Variants in PDE4D observed in about 807,000 individuals in gnomAD.
PDE4D encodes the protein 3',5'-cyclic-AMP phosphodiesterase 4D.
A neutral mutation model predicts 87.4 loss-of-function variants in PDE4D; 24 were observed. The observed-to-expected ratio is 0.27, with a 90% CI of 0.20 to 0.39. The LOEUF (loss-of-function observed/expected upper bound fraction) is 0.39. PDE4D is among the 10% of genes least tolerant of loss of function. The pLI is 1.00. For missense variants in PDE4D, 714 were observed against 1,041.0 expected (o/e 0.69, Z 4.32); for synonymous variants, 384 against 383.2 (o/e 1.00, Z -0.02).
intron 1 of PDE4D, among the ~76,000 whole-genome samples, chr5:59,781,784 CAAAAAAAAAA>C (rs58613622): frequency 1.0e-4 from 4 of 39,898 alleles, no homozygotes; most frequent in South Asian, 1.6e-3. Flanking sequence ...CACTCCATCT[CAAAAAAAAAA>C]AAAAAAAAAA....
chr5:59,342,242 A>G (rs1196606605), intron 1 of PDE4D, among the ~76,000 whole-genome samples: 1 of 152,216 alleles, frequency 6.6e-6, no homozygotes, highest in Non-Finnish European at 1.5e-5. Context: ...AGATAGTTTT[A>G]TACTTAGCAT....
intron 2 of PDE4D, chr5:60,147,723 G>C (rs1781132943): frequency 2.2e-6 from 1 of 453,616 alleles, no homozygotes; most frequent in Non-Finnish European, 4.4e-6. Flanking sequence ...ACTGGAGCTA[G>C]AGAAGCACTT....
At chr5:59,002,034 A>G in intron 6 of PDE4D, 1 of 516,680 alleles carries the variant, frequency 1.9e-6, no homozygotes, top group Non-Finnish European at 3.9e-6. Flanking sequence ...TCTTTTATCC[A>G]GAGCTGTTTC....
intron 1 of PDE4D, among the ~76,000 whole-genome samples, chr5:60,375,820 C>T (rs1761385887): frequency 6.6e-6 from 1 of 152,186 alleles, no homozygotes; most frequent in East Asian, 1.9e-4. Context: ...GTGGGCAGAT[C>T]ATGAGGTCAA....
rs1382519967 is a variant in PDE4D at position 58,993,315 on chromosome 5, AAAAC to A, written c.1015+53_1015+56del. ...GAGTTGGCACCCCAATCCTCCTACA[AAAAC>A]AAACAAGCAAACAACTGAAGAAAAA... On this transcript the variant is annotated intron_variant, in intron 7 of 14. Transcript: ENST00000340635. The A allele has an allele frequency of 7.6e-6, 8 of 1,046,218 alleles. No homozygotes were observed. In the Middle Eastern group the frequency reaches 6.3e-4, roughly 82 times the overall value. 64.8% of individuals were successfully genotyped at this position (1,046,218 alleles called of 1,614,324 possible).
intron 1 of PDE4D, among the ~76,000 whole-genome samples, chr5:59,833,468 G>A (rs183265194): frequency 1.1e-3 from 168 of 151,704 alleles, no homozygotes; most frequent in Non-Finnish European, 1.8e-3. Context: ...AGGGGAACAG[G>A]TGATGTCAGT....
chr5:60,356,147 G>A (rs1167663770), intron 1 of PDE4D, among the ~76,000 whole-genome samples: 7 of 152,188 alleles, frequency 4.6e-5, no homozygotes, highest in African/African-American at 9.6e-5. Flanking sequence ...CCAGAGCCGC[G>A]TGTCAGTCTC....
At chr5:59,756,509 T>TACACACACACACACACAC (rs3062590) in intron 1 of PDE4D, among the ~76,000 whole-genome samples, 6,203 of 144,936 alleles carry the variant, frequency 0.043, 182 homozygotes, top group South Asian at 0.082. Flanking sequence ...ACCCAAAACA[T>TACACACACACACACACAC]ACACACACAC....
intron 5 of PDE4D, among the ~76,000 whole-genome samples, chr5:59,163,297 C>G (rs1234576257): frequency 4.5e-5 from 6 of 134,260 alleles, no homozygotes; most frequent in Non-Finnish European, 7.9e-5. Flanking sequence ...TTTTTTGAGA[C>G]AGTTTCACTT....
intron 3 of PDE4D, among the ~76,000 whole-genome samples, chr5:59,932,706 C>T (rs1756104353): frequency 6.6e-6 from 1 of 152,000 alleles, no homozygotes; most frequent in Non-Finnish European, 1.5e-5. Context: ...ATGATTTATC[C>T]CAACTTGGAG....
At chr5:59,199,257 CTTTT>C (rs34049029) in intron 2 of PDE4D, among the ~76,000 whole-genome samples, 2 of 141,856 alleles carry the variant, frequency 1.4e-5, no homozygotes. Context: ...GAATCTAATC[CTTTT>C]TTTTTTTTTT....
intron 1 of PDE4D, among the ~76,000 whole-genome samples, chr5:59,726,013 C>T (rs1400992232): frequency 6.6e-6 from 1 of 152,024 alleles, no homozygotes; most frequent in East Asian, 1.9e-4. Flanking sequence ...TTATTAATGC[C>T]CACACCACTG....
chr5:60,301,224 A>T (rs10461372), intron 1 of PDE4D, among the ~76,000 whole-genome samples: 3,196 of 152,254 alleles, frequency 0.021, 99 homozygotes, highest in African/African-American at 0.068. Context: ...TACGAATTTT[A>T]AAATAGTTTC....
At chr5:59,912,248 T>C (rs192887932) in intron 3 of PDE4D, among the ~76,000 whole-genome samples, 1 of 152,326 alleles carries the variant, frequency 6.6e-6, no homozygotes, top group East Asian at 1.9e-4. Context: ...TGCTCAGAAA[T>C]CATTTGTTGA....
chr5:60,168,727 CTG>C (rs533566660), intron 2 of PDE4D, among the ~76,000 whole-genome samples: 68 of 152,274 alleles, frequency 4.5e-4, no homozygotes, highest in African/African-American at 1.5e-3. Context: ...AATAGTTACA[CTG>C]TATTTTTTTA....
chr5:59,869,396 T>C (rs1209714560), intron 1 of PDE4D, among the ~76,000 whole-genome samples: 2 of 152,196 alleles, frequency 1.3e-5, no homozygotes, highest in African/African-American at 2.4e-5. Flanking sequence ...GGTTTCCAAG[T>C]GCTGAATTAG....
chr5:58,999,695 C>T (rs1236725959), intron 6 of PDE4D: 1 of 1,086,016 alleles, frequency 9.2e-7, no homozygotes, highest in East Asian at 5.4e-5. Context: ...AAGAAAGCCT[C>T]GCATTAAATC....
rs377418149 is a variant in PDE4D at position 60,120,307 on chromosome 5, G to T, written c.42+65250C>A. Among the ~76,000 whole-genome samples the T allele has an allele frequency of 3.9e-5, 6 of 152,292 alleles. No individual in the cohort carries two copies. The East Asian group carries it at 9.7e-4, about 25-fold the overall frequency. ...GAGGTAGTGGGTCTGAGTAACTCCAGATAGGAGTTAGTTGCTACAAACTTT... is the reference window on the plus strand; with the variant it reads ...GAGGTAGTGGGTCTGAGTAACTCCATATAGGAGTTAGTTGCTACAAACTTT... On this transcript the variant is annotated intron_variant, in intron 2 of 16. Coordinates refer to the PDE4D transcript ENST00000502484.
intron 1 of PDE4D, among the ~76,000 whole-genome samples, chr5:59,397,642 T>C (rs1582380137): frequency 8.7e-6 from 1 of 114,550 alleles, no homozygotes; most frequent in East Asian, 2.8e-4. Context: ...AGATCCAAAA[T>C]TGACACCCTA....
Sources: allele counts gnomAD v4.1 joint callset (sites outside exome capture counted in the v4.1 genomes callset), GRCh38; gene constraint gnomAD v4.1.1; transcripts MANE v1.5; gene names NCBI Gene and HGNC (gene_info 2026-07-23, HGNC 2026-07-21).